Variants in LHFPL3 observed in about 807,000 individuals in gnomAD.
The protein encoded by LHFPL3 is LHFPL tetraspan subfamily member 3 protein.
A neutral mutation model predicts 19.3 loss-of-function variants in LHFPL3; 5 were observed. That is an observed-to-expected ratio of 0.26 (90% confidence interval 0.14 to 0.54). The LOEUF is 0.54. Among genes scored for constraint, LHFPL3 ranks in the 20% least tolerant of loss-of-function variants. LHFPL3 has a pLI of 0.94. For synonymous variants in LHFPL3, 133 were observed against 126.2 expected (o/e 1.05, Z -0.36); for missense variants, 249 against 307.4 (o/e 0.81, Z 1.42).
chr7:104,493,857 A>G (rs1366581265), intron 1 of LHFPL3, among the ~76,000 whole-genome samples: 2 of 152,118 alleles, frequency 1.3e-5, no homozygotes, highest in Non-Finnish European at 2.9e-5. Context: ...CTATCCAATA[A>G]GGATAGCAGG....
chr7:104,814,466 G>A (rs1393846642), intron 2 of LHFPL3, among the ~76,000 whole-genome samples: 1 of 152,142 alleles, frequency 6.6e-6, no homozygotes, highest in Non-Finnish European at 1.5e-5. Flanking sequence ...CAAAGGGGAA[G>A]AAGTGCATGC....
At chr7:104,387,296 A>C (rs1183318212) in intron 1 of LHFPL3, among the ~76,000 whole-genome samples, 3 of 152,164 alleles carry the variant, frequency 2.0e-5, no homozygotes, top group East Asian at 3.9e-4. Flanking sequence ...TGAACCCTAG[A>C]GGTAAATGTT....
At chr7:104,369,900 A>G (rs746249833) in intron 1 of LHFPL3, among the ~76,000 whole-genome samples, 34 of 152,220 alleles carry the variant, frequency 2.2e-4, no homozygotes, top group Non-Finnish European at 4.1e-4. Flanking sequence ...AATATTCTAA[A>G]TATAAGTCAT....
chr7:104,791,322 T>C (rs1790018846), intron 2 of LHFPL3, among the ~76,000 whole-genome samples: 1 of 152,228 alleles, frequency 6.6e-6, no homozygotes, highest in South Asian at 2.1e-4. Context: ...ATTGACAGGG[T>C]TAATTCTGGC....
intron 1 of LHFPL3, among the ~76,000 whole-genome samples, chr7:104,728,739 T>G (rs1793634803): frequency 6.6e-6 from 1 of 152,202 alleles, no homozygotes; most frequent in African/African-American, 2.4e-5. Context: ...TTACTCATTT[T>G]TCGCCTCTTC....
intron 2 of LHFPL3, among the ~76,000 whole-genome samples, chr7:104,866,784 C>T (rs576015259): frequency 2.0e-4 from 31 of 152,310 alleles, no homozygotes; most frequent in African/African-American, 7.5e-4. Context: ...TTCTTTTCAG[C>T]ACCACACAGC....
intron 1 of LHFPL3, among the ~76,000 whole-genome samples, chr7:104,709,733 A>T (rs1381990352): frequency 6.6e-6 from 1 of 151,956 alleles, no homozygotes; most frequent in Non-Finnish European, 1.5e-5. Context: ...CCCGTTCTCA[A>T]TGAGCTGTTG....
At chr7:104,773,040 T>C (rs974580797) in intron 2 of LHFPL3, among the ~76,000 whole-genome samples, 4 of 152,244 alleles carry the variant, frequency 2.6e-5, no homozygotes, top group African/African-American at 9.6e-5. Flanking sequence ...GAGTAAGTTG[T>C]TTTCTCCCTG....
chr7:104,640,884 T>G (rs2115891814), intron 1 of LHFPL3, among the ~76,000 whole-genome samples: 1 of 152,290 alleles, frequency 6.6e-6, no homozygotes, highest in Middle Eastern at 3.4e-3. Flanking sequence ...ATTAATCTAT[T>G]AATGGAGGGA....
intron 1 of LHFPL3, among the ~76,000 whole-genome samples, chr7:104,377,249 A>G (rs914504875): frequency 6.6e-6 from 1 of 152,212 alleles, no homozygotes; most frequent in Admixed American, 6.5e-5. Context: ...AACCATCCCT[A>G]GGAAAGGTGA....
chr7:104,565,683 T>C (rs1790105770), intron 1 of LHFPL3, among the ~76,000 whole-genome samples: 1 of 152,012 alleles, frequency 6.6e-6, no homozygotes, highest in South Asian at 2.1e-4. Flanking sequence ...CTTTTTTTTT[T>C]CAATTTCTCA....
chr7:104,521,053 T>C (rs191586358), intron 1 of LHFPL3, among the ~76,000 whole-genome samples: 2 of 152,320 alleles, frequency 1.3e-5, no homozygotes, highest in Admixed American at 6.5e-5. Flanking sequence ...GTGTCAGTTT[T>C]GGATCTTTCC....
chr7:104,484,689 G>T (rs1015886370), intron 1 of LHFPL3, among the ~76,000 whole-genome samples: 1 of 152,192 alleles, frequency 6.6e-6, no homozygotes, highest in African/African-American at 2.4e-5. Flanking sequence ...AGTTCTGGAG[G>T]CTGGGAAGTC....
intron 1 of LHFPL3, among the ~76,000 whole-genome samples, chr7:104,625,519 G>A (rs1293068000): frequency 6.6e-6 from 1 of 152,192 alleles, no homozygotes; most frequent in East Asian, 1.9e-4. Context: ...TCTATCTTCA[G>A]AGTGTCTCAC....
intron 1 of LHFPL3, among the ~76,000 whole-genome samples, chr7:104,726,903 GC>G (rs1177509972): frequency 6.6e-6 from 1 of 152,180 alleles, no homozygotes; most frequent in African/African-American, 2.4e-5. Context: ...TTGAGGAATT[GC>G]CACACTGTCT....
chr7:104,759,192 A>G (rs532930158), intron 2 of LHFPL3, among the ~76,000 whole-genome samples: 2 of 152,176 alleles, frequency 1.3e-5, no homozygotes, highest in Non-Finnish European at 2.9e-5. Context: ...GGGCTAAGCA[A>G]GTCTCTTGAT....
At chr7:104,456,629 T>A (rs1285338113) in intron 1 of LHFPL3, among the ~76,000 whole-genome samples, 2 of 152,244 alleles carry the variant, frequency 1.3e-5, no homozygotes, top group Non-Finnish European at 2.9e-5. Flanking sequence ...CCTCTTCACT[T>A]AAATGACGCA....
chr7:104,720,481 G>A (rs1382580178), intron 1 of LHFPL3, among the ~76,000 whole-genome samples: 2 of 152,162 alleles, frequency 1.3e-5, no homozygotes, highest in African/African-American at 4.8e-5. Flanking sequence ...GTAGGCATGG[G>A]CAAGGACTTC....
rs932554839 is a variant in LHFPL3 at position 104,714,317 on chromosome 7, A to G, written c.446-22358A>G. On this transcript the variant is annotated intron_variant, in intron 1 of 2. Coordinates refer to ENST00000424859, the MANE Select transcript of LHFPL3 (RefSeq NM_199000.3). ...GCCCAGCATTCTCAATAAAAATAAA[A>G]GTTATTGGAAGATCTTACCATAGAT... Among the ~76,000 whole-genome samples the G allele has an allele frequency of 3.3e-5, 5 of 152,306 alleles. No individual in the cohort carries two copies. The East Asian group carries it at 7.7e-4, about 24-fold the overall frequency.
Sources: allele counts gnomAD v4.1 joint callset (sites outside exome capture counted in the v4.1 genomes callset), GRCh38; gene constraint gnomAD v4.1.1; transcripts MANE v1.5; gene names NCBI Gene and HGNC (gene_info 2026-07-23, HGNC 2026-07-21).